The following SLC26A8 variants were observed in gnomAD, a reference collection of about 807,000 sequenced individuals.
SLC26A8 encodes the protein solute carrier family 26 member 8, also known as testis anion transporter 1.
SLC26A8 carries 70 observed loss-of-function variants against 105.0 expected under a neutral mutation model. That is an observed-to-expected ratio of 0.67 (90% CI 0.55 to 0.81). SLC26A8 has a LOEUF of 0.81. SLC26A8 is among the 40% of genes least tolerant of loss of function. The pLI is 0.00. For missense variants in SLC26A8, 998 were observed against 1,181.8 expected (o/e 0.84, Z 2.28); for synonymous variants, 415 against 438.3 (o/e 0.95, Z 0.66).
chr6:36,022,317 G>A (rs1762146810), intron 1 of SLC26A8, among the ~76,000 whole-genome samples: 1 of 152,182 alleles, frequency 6.6e-6, no homozygotes. Flanking sequence ...ATGCATTTTG[G>A]GAAGATGAAA....
rs761201891 is a variant in SLC26A8 at position 35,944,109 on chromosome 6, G to A, written c.2704C>T (p.Pro902Ser). 6.2e-7 allele frequency: 1 copy of A among 1,614,050 alleles called. No homozygotes were observed. The highest frequency in any genetic ancestry group is 8.5e-7 in the Non-Finnish European group (1 of 1,179,998). ...TETKTQTEMEPQPETEPEMEP... is the reference protein window; with the variant it reads ...TETKTQTEMESQPETEPEMEP... ...ATCTCAGGCTCAGTCTCAGGCTGGG[G>A]CTCCATCTCGGTCTGGGTCTTGGTC... is the stretch of plus-strand genomic sequence containing the variant. Residue 902 changes from proline to serine, a missense_variant, in exon 20 of 20, where the codon CCC becomes TCC. Coordinates refer to ENST00000490799, the MANE Select transcript of SLC26A8 (RefSeq NM_052961.4).
chr6:35,953,234 C>T (rs1360855491), intron 17 of SLC26A8, among the ~76,000 whole-genome samples: 2 of 152,062 alleles, frequency 1.3e-5, no homozygotes, highest in East Asian at 3.9e-4. Flanking sequence ...GGGGATGGAA[C>T]AGAAAGTCAT....
intron 3 of SLC26A8, among the ~76,000 whole-genome samples, chr6:36,006,946 G>T (rs920848709): frequency 1.3e-5 from 2 of 152,148 alleles, no homozygotes; most frequent in African/African-American, 4.8e-5. Flanking sequence ...ATTGATTCAT[G>T]ATAAATTTCT....
In SLC26A8 at chr6:35,995,522, C is replaced by G. The variant is rs1008706784; in HGVS notation, c.627+2216G>C. On this transcript the variant is annotated intron_variant, in intron 5 of 19. Coordinates refer to ENST00000490799, the MANE Select transcript of SLC26A8 (RefSeq NM_052961.4). ...CTTAAGATTTCCTAGAGCACAGATT[C>G]TACAATCAGACAACCCTAAAACTGA... Among the ~76,000 whole-genome samples the G allele has an allele frequency of 8.5e-5, 13 of 152,320 alleles. No individual in the cohort carries two copies. In the East Asian group the frequency reaches 2.5e-3, roughly 29 times the overall value.
chr6:35,968,928 C>T lies in SLC26A8; in HGVS notation c.1314G>A (p.Val438=). ...QQFASLVGAG[V]MLLLMVKMGH... is the part of the protein sequence containing the mutation. ...CCATCTTCACCATCAGGAGCAGCATCACACCTGCGCCTACCAGAGATGCAA... is the reference window on the plus strand; with the variant it reads ...CCATCTTCACCATCAGGAGCAGCATTACACCTGCGCCTACCAGAGATGCAA... Residue 438 remains valine (V), a synonymous_variant, in exon 11 of 20, where the codon GTG becomes GTA. Transcript: ENST00000490799. 6.2e-7 allele frequency: 1 copy of T among 1,612,216 alleles called. No individual in the cohort carries two copies.
rs117423626 is a variant in SLC26A8, at chr6:35,949,739, C to T, written c.2472+1424G>A. On this transcript the variant is annotated intron_variant, in intron 19 of 19. Coordinates refer to ENST00000490799, the MANE Select transcript of SLC26A8 (RefSeq NM_052961.4). ...ATTCAAACCAATTAGTTAGTCATTA[C>T]TAATTATTAACTACTAGTTAACTAG... Among the ~76,000 whole-genome samples, 487 of 151,430 alleles carry T rather than the reference C, an allele frequency of 3.2e-3. 3 individuals are homozygous for T. In the East Asian group the frequency reaches 0.033, roughly 10 times the overall value.
At chr6:35,983,855 G>A (rs559408503) in intron 7 of SLC26A8, among the ~76,000 whole-genome samples, 31 of 152,040 alleles carry the variant, frequency 2.0e-4, no homozygotes, top group Non-Finnish European at 3.1e-4. Context: ...GTGCCTGGCC[G>A]AGTCTGCTCT....
At chr6:35,964,462 T>C (rs1772424913) in intron 11 of SLC26A8, among the ~76,000 whole-genome samples, 1 of 151,854 alleles carries the variant, frequency 6.6e-6, no homozygotes, top group Non-Finnish European at 1.5e-5. Flanking sequence ...ATTTAGCCCA[T>C]GTGGCAAAAA....
chr6:35,965,211 T>C (rs1464903777), intron 11 of SLC26A8, among the ~76,000 whole-genome samples: 3 of 152,206 alleles, frequency 2.0e-5, no homozygotes, highest in African/African-American at 4.8e-5. Flanking sequence ...TTTGTGATGG[T>C]GAATGACATT....
chr6:35,950,293 G>T (rs1203716427), intron 19 of SLC26A8, among the ~76,000 whole-genome samples: 1 of 150,780 alleles, frequency 6.6e-6, no homozygotes, highest in Non-Finnish European at 1.5e-5. Flanking sequence ...CCAGGTCTCA[G>T]TATTTTTTTT....
chr6:35,995,669 A>ATT (rs3045894), intron 5 of SLC26A8, among the ~76,000 whole-genome samples: 22 of 149,488 alleles, frequency 1.5e-4, no homozygotes, highest in African/African-American at 5.4e-4. Flanking sequence ...ACACCCAGCT[A>ATT]TTTTTTTTTT....
chr6:36,024,188 C>A (rs959166032), intron 1 of SLC26A8: 7 of 271,130 alleles, frequency 2.6e-5, no homozygotes, highest in Non-Finnish European at 5.1e-5. Context: ...ATGGGGTAGG[C>A]GGTGGGGTGC....
At chr6:35,997,058 C>A (rs544863284) in intron 5 of SLC26A8, among the ~76,000 whole-genome samples, 1 of 151,784 alleles carries the variant, frequency 6.6e-6, no homozygotes, top group African/African-American at 2.4e-5. Context: ...GAATATGAAG[C>A]AATTTTTGAA....
intron 7 of SLC26A8, among the ~76,000 whole-genome samples, chr6:35,983,050 C>T (rs1773342786): frequency 2.0e-5 from 3 of 152,192 alleles, no homozygotes; most frequent in South Asian, 4.1e-4. Context: ...AGCAATTATA[C>T]AGTTGCTTTA....
chr6:35,947,864 G>A (rs1171440746), intron 19 of SLC26A8, among the ~76,000 whole-genome samples: 6 of 152,200 alleles, frequency 3.9e-5, no homozygotes, highest in Non-Finnish European at 5.9e-5. Flanking sequence ...CTGAGAGGCC[G>A]AGGCTGTGGT....
At chr6:35,974,235 T>A (rs903717642) in intron 10 of SLC26A8, among the ~76,000 whole-genome samples, 4 of 152,160 alleles carry the variant, frequency 2.6e-5, no homozygotes, top group African/African-American at 7.2e-5. Context: ...GGAAAATCAC[T>A]TGAGCCTGGG....
At chr6:36,022,746 T>C (rs1302783584) in intron 1 of SLC26A8, among the ~76,000 whole-genome samples, 2 of 151,950 alleles carry the variant, frequency 1.3e-5, no homozygotes, top group Non-Finnish European at 2.9e-5. Flanking sequence ...TTTTTTTAAG[T>C]AATTTTCTTT....
At chr6:35,951,137 C>T (rs747749713) in intron 19 of SLC26A8, 26 bp downstream of exon 19, 25 of 1,568,514 alleles carry the variant, frequency 1.6e-5, no homozygotes, top group Non-Finnish European at 2.1e-5. Context: ...CTTCCCCCAA[C>T]CTCATGCTTT....
chr6:35,963,077 C>A (rs1562026116), intron 11 of SLC26A8, among the ~76,000 whole-genome samples: 1 of 152,142 alleles, frequency 6.6e-6, no homozygotes. Context: ...ACAATAGCCC[C>A]TTTTAGATTC....
Sources: allele counts gnomAD v4.1 joint callset (sites outside exome capture counted in the v4.1 genomes callset), GRCh38; gene constraint gnomAD v4.1.1; transcripts MANE v1.5; gene names NCBI Gene and HGNC (gene_info 2026-07-23, HGNC 2026-07-21).